DNAL1: variants seen among roughly 807,000 people sequenced by gnomAD.
The protein encoded by DNAL1 is dynein axonemal light chain 1.
DNAL1 carries 17 observed loss-of-function variants against 29.4 expected under a neutral mutation model. The observed-to-expected ratio is 0.58, with a 90% confidence interval of 0.40 to 0.87. The LOEUF (loss-of-function observed/expected upper bound fraction) is 0.87, where lower values mean the gene tolerates loss of function less well. Ranked by LOEUF, DNAL1 falls within the 40% of genes least tolerant of loss-of-function variation. The probability of loss-of-function intolerance (pLI) is 0.00; values close to 1 mark genes in which losing one functional copy is unlikely to be tolerated. For missense variants in DNAL1, 188 were observed against 214.1 expected (o/e 0.88, Z 0.76); for synonymous variants, 78 against 76.3 (o/e 1.02, Z -0.12).
rs762807613 is a variant in DNAL1, at chr14:73,665,789, C to CA, written c.208+3762dup. 2.3e-3 allele frequency among the ~76,000 whole-genome samples: 231 copies of CA among 100,822 alleles called. 2 individuals carry two copies. Among genetic ancestry groups the CA allele is most frequent in the East Asian group, 0.011 (36 of 3,414 alleles). The allele number at this position is 100,822 out of a possible 152,430, so 66.1% of individuals were successfully genotyped here. ...CTGGGTGACAGAGTGAGACTCATCT[C>CA]AAAAAAAAAAAAAAATGACTATGAT... is the stretch of plus-strand genomic sequence containing the variant. On this transcript the variant is annotated intron_variant, in intron 4 of 7. Coordinates refer to ENST00000553645, the MANE Select transcript of DNAL1 (RefSeq NM_031427.4).
At chr14:73,664,911 T>A (rs892833771) in intron 4 of DNAL1, among the ~76,000 whole-genome samples, 18 of 152,040 alleles carry the variant, frequency 1.2e-4, no homozygotes, top group African/African-American at 4.3e-4. Context: ...TGTCACCCCC[T>A]CCTTGAAGAC....
At chr14:73,655,552 G>A (rs957599872) in intron 2 of DNAL1, among the ~76,000 whole-genome samples, 2 of 151,676 alleles carry the variant, frequency 1.3e-5, no homozygotes, top group African/African-American at 4.8e-5. Flanking sequence ...TCATCGTGTT[G>A]GTCAGGCTGG....
chr14:73,657,492 A>G (rs970150017), intron 2 of DNAL1, among the ~76,000 whole-genome samples: 4 of 152,156 alleles, frequency 2.6e-5, no homozygotes, highest in African/African-American at 4.8e-5. Context: ...TCATTTTACC[A>G]TTGTGTTGAG....
rs925313273 is a variant in DNAL1, at chr14:73,698,667, C to T, written c.*2725C>T. 1 of 152,100 alleles carries T rather than the reference C, an allele frequency of 6.6e-6. No individual in the cohort carries two copies. The highest frequency in any genetic ancestry group is 1.5e-5 in the Non-Finnish European group (1 of 68,034). The allele number at this position is 152,100 out of a possible 1,614,324, so 9.4% of individuals were successfully genotyped here. On this transcript the variant is annotated 3_prime_UTR_variant, in exon 8 of 8. Transcript: ENST00000553645. ...CCATGTTGGCCAGGCTTGTCTTGAACTCCTAACTTCAGATGACCTGCCCAC... is the reference window on the plus strand; with the variant it reads ...CCATGTTGGCCAGGCTTGTCTTGAATTCCTAACTTCAGATGACCTGCCCAC...
At chr14:73,646,828 T>A (rs374698962) in intron 1 of DNAL1, among the ~76,000 whole-genome samples, 1 of 152,158 alleles carries the variant, frequency 6.6e-6, no homozygotes, top group East Asian at 1.9e-4. Flanking sequence ...CTGTCTTATA[T>A]GTGGTTGGTT....
In DNAL1 at chr14:73,699,795, A is replaced by G. The variant is rs1892388683; in HGVS notation, c.*3853A>G. 6.6e-6 allele frequency: 1 copy of G among 152,202 alleles called. No individual in the cohort carries two copies. The highest frequency in any genetic ancestry group is 2.4e-5 in the African/African-American group (1 of 41,450). The allele number at this position is 152,202 out of a possible 1,614,324, so 9.4% of individuals were successfully genotyped here. A position where few individuals can be genotyped will look rare whatever the true frequency, so the allele number is the denominator to read the frequency against. On this transcript the variant is annotated 3_prime_UTR_variant, in exon 8 of 8. Coordinates refer to ENST00000553645, the MANE Select transcript of DNAL1 (RefSeq NM_031427.4). Reference sequence around the variant, plus strand: ...TTATGATAGATTTTGCTTTGTCTCTAAAGTTTAATATTTTGAGTGTACTTT... The same window carrying G: ...TTATGATAGATTTTGCTTTGTCTCTGAAGTTTAATATTTTGAGTGTACTTT...
intron 5 of DNAL1, among the ~76,000 whole-genome samples, chr14:73,673,785 C>T (rs1735488419): frequency 6.6e-6 from 1 of 151,110 alleles, no homozygotes; most frequent in Admixed American, 6.6e-5. Context: ...CCCAGCTACT[C>T]GGGGAGGCTG....
chr14:73,673,409 C>T (rs935789940), intron 5 of DNAL1, among the ~76,000 whole-genome samples: 1 of 151,856 alleles, frequency 6.6e-6, no homozygotes, highest in African/African-American at 2.4e-5. Context: ...ACCCAGAGAC[C>T]ACAAATAAAT....
intron 2 of DNAL1, among the ~76,000 whole-genome samples, chr14:73,656,388 C>G (rs986131076): frequency 1.1e-4 from 16 of 147,840 alleles, no homozygotes; most frequent in African/African-American, 3.5e-4. Context: ...TTTGTTTTGG[C>G]TGGTAGAGTC....
At position 73,701,464 on chromosome 14, in the gene DNAL1, A is replaced by G. The variant is rs992807394; in HGVS notation, c.*5522A>G. The stretch of plus-strand genomic sequence containing the variant: ...TTCCATGTCTGTTACATCCAAGATC[A>G]TCCCTCTGGGGGATGTGTCAAGTAG... On this transcript the variant is annotated 3_prime_UTR_variant, in exon 8 of 8. Transcript: ENST00000553645. The G allele has an allele frequency of 5.3e-5, 8 of 152,254 alleles. No individual in the cohort carries two copies. Among genetic ancestry groups the G allele is most frequent in the African/African-American group, 1.4e-4 (6 of 41,470 alleles). The allele number at this position is 152,254 out of a possible 1,614,324, so 9.4% of individuals were successfully genotyped here. A position where few individuals can be genotyped will look rare whatever the true frequency, so the allele number is the denominator to read the frequency against.
intron 2 of DNAL1, among the ~76,000 whole-genome samples, chr14:73,657,686 C>T (rs528523818): frequency 7.2e-5 from 11 of 152,226 alleles, no homozygotes; most frequent in Middle Eastern, 3.4e-3. Context: ...CTCTGCCTCC[C>T]GGGTTCAAGC....
chr14:73,670,301 G>A lies in DNAL1; in HGVS notation c.209-1241G>A, dbSNP rs989482792. Among the ~76,000 whole-genome samples, 10 of 152,250 alleles carry A rather than the reference G, an allele frequency of 6.6e-5. No homozygotes were observed. In the East Asian group the frequency reaches 1.9e-3, roughly 29 times the overall value. On this transcript the variant is annotated intron_variant, in intron 4 of 7. Transcript: ENST00000553645. ...GCTACTAGCTACATATAGTTATTAA[G>A]CACTATGAAATGTGGCTAATGTGAC...
chr14:73,684,238 T>C (rs993424712), intron 5 of DNAL1, among the ~76,000 whole-genome samples: 1 of 152,222 alleles, frequency 6.6e-6, no homozygotes, highest in African/African-American at 2.4e-5. Context: ...CTATTGTGAA[T>C]AGTGCTGCAG....
chr14:73,669,714 G>A (rs1891573537), intron 4 of DNAL1, among the ~76,000 whole-genome samples: 1 of 152,098 alleles, frequency 6.6e-6, no homozygotes, highest in South Asian at 2.1e-4. Flanking sequence ...ATTGGCATAA[G>A]CTACAATGCC....
chr14:73,678,508 A>ATTT (rs1476657282), intron 5 of DNAL1, among the ~76,000 whole-genome samples: 1 of 123,498 alleles, frequency 8.1e-6, no homozygotes, highest in African/African-American at 3.3e-5. Context: ...GTGAGCAGGT[A>ATTT]TTCTTTTTTT....
rs140177366 is a variant in DNAL1, at chr14:73,659,287, G to A, written c.152+331G>A. Among the ~76,000 whole-genome samples, 1,237 of 151,172 alleles carry A rather than the reference G, an allele frequency of 8.2e-3. 23 individuals carry two copies. The highest frequency in any genetic ancestry group is 0.028 in the African/African-American group (1,161 of 41,136). On this transcript the variant is annotated intron_variant, in intron 3 of 7. Transcript: ENST00000553645. ...AGCAGTTCTCCTGCCTCAGCCTCCC[G>A]GGTAGCTGAGACTACAAGGCACATG...
intron 5 of DNAL1, among the ~76,000 whole-genome samples, chr14:73,677,864 T>TTTTA (rs1432502864): frequency 3.1e-5 from 4 of 130,822 alleles, no homozygotes; most frequent in African/African-American, 1.2e-4. Context: ...GCCCATATAT[T>TTTTA]TATATATATA....
chr14:73,681,236 C>G (rs1891867474), intron 5 of DNAL1, among the ~76,000 whole-genome samples: 1 of 151,554 alleles, frequency 6.6e-6, no homozygotes, highest in African/African-American at 2.4e-5. Context: ...TGGGTTCAAG[C>G]AATTCTCTTG....
At chr14:73,674,778 G>A (rs539788063) in intron 5 of DNAL1, among the ~76,000 whole-genome samples, 1 of 152,260 alleles carries the variant, frequency 6.6e-6, no homozygotes, top group Non-Finnish European at 1.5e-5. Flanking sequence ...CTGGGCTTAA[G>A]CAATACTCTG....
Sources: allele counts gnomAD v4.1 joint callset (sites outside exome capture counted in the v4.1 genomes callset), GRCh38; gene constraint gnomAD v4.1.1; transcripts MANE v1.5; gene names NCBI Gene and HGNC (gene_info 2026-07-23, HGNC 2026-07-21).